Variants in PIAS4 observed in about 807,000 individuals in gnomAD.
The protein encoded by PIAS4 is E3 SUMO-protein ligase PIAS4.
A neutral mutation model predicts 58.0 loss-of-function variants in PIAS4; 7 were observed. That is an observed-to-expected ratio of 0.12 (90% CI 0.07 to 0.23). The LOEUF is 0.23. Among genes scored for constraint, PIAS4 ranks in the 10% least tolerant of loss-of-function variants. The pLI is 1.00. For synonymous variants in PIAS4, 364 were observed against 312.4 expected (o/e 1.17, Z -1.74); for missense variants, 550 against 709.5 (o/e 0.78, Z 2.55).
intron 4 of PIAS4, 78 bp from the exon 5 acceptor site, chr19:4,028,432 C>G: frequency 9.1e-7 from 1 of 1,096,864 alleles, no homozygotes; most frequent in Admixed American, 2.0e-5. Context: ...CGCCTGGCTA[C>G]CACTCGTGTA....
chr19:4,029,811 ATTTTTTTTTTTT>A (rs1172132330), intron 7 of PIAS4, among the ~76,000 whole-genome samples: 28 of 55,046 alleles, frequency 5.1e-4, no homozygotes, highest in African/African-American at 1.4e-3. Flanking sequence ...CACCCAACTA[ATTTTTTTTTTTT>A]TTTTTTTTTT....
intron 3 of PIAS4, among the ~76,000 whole-genome samples, chr19:4,025,926 T>C (rs2040158850): frequency 6.6e-6 from 1 of 151,272 alleles, no homozygotes; most frequent in South Asian, 2.1e-4. Flanking sequence ...ACAAAAAAAT[T>C]AGCCGGGTGT....
intron 1 of PIAS4, among the ~76,000 whole-genome samples, chr19:4,011,671 TGG>T (rs371853728): frequency 0.059 from 7,181 of 121,668 alleles, 307 homozygotes; most frequent in South Asian, 0.14. Flanking sequence ...TGTGGAGGTG[TGG>T]GGGGTGTGGA....
At chr19:4,009,493 C>G (rs2039973418) in intron 1 of PIAS4, among the ~76,000 whole-genome samples, 1 of 152,070 alleles carries the variant, frequency 6.6e-6, no homozygotes, top group African/African-American at 2.4e-5. Flanking sequence ...AGGGCAGGGT[C>G]TGCACTCTTT....
chr19:4,009,859 C>T (rs1326257641), intron 1 of PIAS4, among the ~76,000 whole-genome samples: 2 of 152,156 alleles, frequency 1.3e-5, no homozygotes, highest in Non-Finnish European at 2.9e-5. Flanking sequence ...CAGCTTGAGG[C>T]CTGCAGGCGG....
intron 1 of PIAS4, 78 bp downstream of exon 1, chr19:4,007,865 C>T (rs942076163): frequency 9.8e-6 from 11 of 1,117,864 alleles, no homozygotes; most frequent in Non-Finnish European, 1.2e-5. Context: ...AGGTCTGCGC[C>T]TTCTGTCCGG....
rs1181001788 is a variant in PIAS4 at position 4,008,747 on chromosome 19, T to C, written c.27+960T>C. Reference sequence around the variant, plus strand: ...GGCTGCTTCTCCTATTTTCTGCTCTTGAGCGAGTCTACTTCTTAGGTCAGA... The same window carrying C: ...GGCTGCTTCTCCTATTTTCTGCTCTCGAGCGAGTCTACTTCTTAGGTCAGA... On this transcript the variant is annotated intron_variant, in intron 1 of 10. Transcript: ENST00000262971. Among the ~76,000 whole-genome samples, 3 of 152,120 alleles carry C rather than the reference T, an allele frequency of 2.0e-5. No homozygotes were observed. The East Asian group carries it at 5.8e-4, about 29-fold the overall frequency.
intron 9 of PIAS4, among the ~76,000 whole-genome samples, chr19:4,035,961 ATACAGT>A (rs1568221778): frequency 1.2e-4 from 5 of 42,866 alleles, no homozygotes; most frequent in Non-Finnish European, 2.2e-4. Context: ...TAACACACAC[ATACAGT>A]CCACACCGTC....
In PIAS4 at chr19:4,028,206, G is replaced by A. The variant is rs751397524; in HGVS notation, c.581+19G>A. The A allele has an allele frequency of 1.1e-4, 178 of 1,606,952 alleles. 1 individual carries two copies. The South Asian group carries it at 1.5e-3, about 14-fold the overall frequency. On this transcript the variant is annotated intron_variant, in intron 4 of 10. Coordinates refer to ENST00000262971, the MANE Select transcript of PIAS4 (RefSeq NM_015897.4). ...TCCTGAGGTATGCCCAGGTGTGCCCGCGACCCCAGGGCTGGACCCCCAGCC... is the reference window on the plus strand; with the variant it reads ...TCCTGAGGTATGCCCAGGTGTGCCCACGACCCCAGGGCTGGACCCCCAGCC...
rs1245504188 is a variant in PIAS4, at chr19:4,037,144, C to T, written c.1143-230C>T. 1.3e-5 allele frequency among the ~76,000 whole-genome samples: 2 copies of T among 152,234 alleles called. No homozygotes were observed. The highest frequency in any genetic ancestry group is 2.1e-4 in the South Asian group (1 of 4,834). On this transcript the variant is annotated intron_variant, in intron 9 of 10. Coordinates refer to ENST00000262971, the MANE Select transcript of PIAS4 (RefSeq NM_015897.4). This position sits in a 1 kb window ranked among gnomAD's most constrained non-coding sequence, Gnocchi z 5.8. ...CTGGGTATGTGTGTCCATGCCCCGT[C>T]CCCCCGGCAGTGCCGTGCACTGCAG...
intron 3 of PIAS4, 116 bp from the exon 4 acceptor site, chr19:4,028,030 G>A: frequency 9.9e-7 from 1 of 1,007,376 alleles, no homozygotes; most frequent in South Asian, 1.3e-5. Flanking sequence ...CAGTTTCCCA[G>A]CTCTGGGGGA....
chr19:4,033,076 G>A lies in PIAS4; in HGVS notation c.908-24G>A, dbSNP rs1168876272. ...CCCTGCTGTTCCCACCCTCCTGACGGTGTCTTCCGTTCCCTCCCCACAGTC... is the reference window on the plus strand; with the variant it reads ...CCCTGCTGTTCCCACCCTCCTGACGATGTCTTCCGTTCCCTCCCCACAGTC... On this transcript the variant is annotated intron_variant, in intron 7 of 10. Transcript: ENST00000262971. The A allele has an allele frequency of 5.0e-6, 8 of 1,601,384 alleles. No homozygotes were observed. In the East Asian group the frequency reaches 1.8e-4, roughly 36 times the overall value.
At chr19:4,028,670 G>A (rs753161269) in intron 5 of PIAS4, 50 bp from the exon 6 acceptor site, 1 of 1,603,810 alleles carries the variant, frequency 6.2e-7, no homozygotes, top group South Asian at 1.1e-5. Context: ...GGGGCCGTCG[G>A]ATTTCCCAGC....
intron 2 of PIAS4, among the ~76,000 whole-genome samples, chr19:4,018,018 A>C (rs1205614675): frequency 2.6e-5 from 4 of 152,152 alleles, no homozygotes; most frequent in Non-Finnish European, 5.9e-5. Context: ...CGTCATGTTG[A>C]CCAGGCTTGT....
intron 2 of PIAS4, among the ~76,000 whole-genome samples, chr19:4,021,438 C>T (rs115044077): frequency 4.4e-4 from 67 of 152,172 alleles, no homozygotes; most frequent in African/African-American, 1.5e-3. Context: ...AGCCACCGCA[C>T]CTGGCCTGGG....
chr19:4,026,973 A>T (rs527504941), intron 3 of PIAS4, among the ~76,000 whole-genome samples: 1 of 150,946 alleles, frequency 6.6e-6, no homozygotes. Flanking sequence ...TCAGCCTCCC[A>T]AGTAGCTGGG....
chr19:4,024,926 C>T (rs575562511), intron 3 of PIAS4, among the ~76,000 whole-genome samples: 5 of 152,224 alleles, frequency 3.3e-5, no homozygotes, highest in South Asian at 4.1e-4. Context: ...CTACCACGCC[C>T]GGCTAATCTT....
Position 4,037,480 on chromosome 19 carries a change from C to G in PIAS4, c.1249C>G (p.Pro417Ala). The stretch of plus-strand genomic sequence containing the variant: ...CGCCGAAAAGGAGCGCAGCTGCAGC[C>G]CGCAGGGCGCCATCCTCGTGCTGGG... ...IRAEKERSCS[P>A]QGAILVLGPS... The change falls in exon 10 of 11, where the codon CCG becomes GCG. Residue 417 changes from proline to alanine, a missense_variant. Coordinates refer to ENST00000262971, the MANE Select transcript of PIAS4 (RefSeq NM_015897.4). The surrounding 1 kb of genome is among the most constrained non-coding windows in gnomAD (Gnocchi z 5.8). 6.2e-7 allele frequency: 1 copy of G among 1,611,108 alleles called. No homozygotes were observed. Among genetic ancestry groups the G allele is most frequent in the Non-Finnish European group, 8.5e-7 (1 of 1,179,512 alleles).
chr19:4,008,081 A>G (rs1317999117), intron 1 of PIAS4, among the ~76,000 whole-genome samples: 3 of 151,544 alleles, frequency 2.0e-5, no homozygotes, highest in African/African-American at 7.3e-5. Flanking sequence ...CCTGAGCGCC[A>G]GGCCAGGGCC....
Sources: allele counts gnomAD v4.1 joint callset (sites outside exome capture counted in the v4.1 genomes callset), GRCh38; gene constraint gnomAD v4.1.1; non-coding constraint Gnocchi (gnomAD v3.1); transcripts MANE v1.5; gene names NCBI Gene and HGNC (gene_info 2026-07-23, HGNC 2026-07-21).